The following EXOC2 variants were observed in gnomAD, a reference collection of about 807,000 sequenced individuals.
EXOC2 encodes exocyst complex component 2.
A neutral mutation model predicts 131.8 loss-of-function variants in EXOC2; 70 were observed. The ratio of observed to expected loss-of-function variants is 0.53; its 90% confidence interval spans 0.44 to 0.65. The LOEUF (loss-of-function observed/expected upper bound fraction) is 0.65. EXOC2 is among the 30% of genes least tolerant of loss of function. The pLI, the probability that EXOC2 is intolerant of heterozygous loss-of-function variation, is 0.00. For missense variants in EXOC2, 923 were observed against 1,108.6 expected, an observed-to-expected ratio of 0.83 and a Z score of 2.38; for synonymous variants, 411 against 398.4, an observed-to-expected ratio of 1.03 and a Z score of -0.38.
intron 13 of EXOC2, among the ~76,000 whole-genome samples, chr6:568,477 C>A (rs572517075): frequency 3.3e-5 from 5 of 152,200 alleles, no homozygotes; most frequent in Admixed American, 6.5e-5. Context: ...CAGACCCTTG[C>A]GGCTTGTCAG....
intron 21 of EXOC2, among the ~76,000 whole-genome samples, chr6:549,630 T>C (rs920887658): frequency 2.6e-5 from 4 of 152,232 alleles, no homozygotes; most frequent in Non-Finnish European, 4.4e-5. Context: ...TGTTCTACTA[T>C]ATTGTTTACT....
intron 4 of EXOC2, among the ~76,000 whole-genome samples, chr6:621,460 C>T (rs370541866): frequency 2.6e-5 from 4 of 152,348 alleles, no homozygotes; most frequent in Non-Finnish European, 4.4e-5. Flanking sequence ...CACAGCGAGA[C>T]GCCACTCACT....
intron 11 of EXOC2, among the ~76,000 whole-genome samples, chr6:578,465 A>G (rs1383588767): frequency 6.6e-6 from 1 of 152,188 alleles, no homozygotes; most frequent in African/African-American, 2.4e-5. Flanking sequence ...CGCTAAGCAG[A>G]GGAGGTAAAT....
chr6:685,557 C>A (rs1243529817), intron 1 of EXOC2, among the ~76,000 whole-genome samples: 1 of 152,188 alleles, frequency 6.6e-6, no homozygotes, highest in Non-Finnish European at 1.5e-5. Flanking sequence ...TGAGTGAGAT[C>A]AAGTGCAAGT....
At chr6:487,161 C>T (rs764439198) in intron 27 of EXOC2, among the ~76,000 whole-genome samples, 8 of 152,290 alleles carry the variant, frequency 5.3e-5, no homozygotes, top group Admixed American at 6.5e-5. Context: ...GGCTACAGCA[C>T]GTGGCATGGC....
In EXOC2 at chr6:529,603, T is replaced by G. The variant is rs1460946582; in HGVS notation, c.2380+2866A>C. 2.0e-5 allele frequency among the ~76,000 whole-genome samples: 3 copies of G among 152,230 alleles called. No individual in the cohort carries two copies. In the East Asian group the frequency reaches 5.8e-4, roughly 29 times the overall value. On this transcript the variant is annotated intron_variant, in intron 23 of 27. Coordinates refer to ENST00000230449, the MANE Select transcript of EXOC2 (RefSeq NM_018303.6). ...ATTTTTTTCTATTCTCAAAGAAATA[T>G]CACAAGTGATTTAATAGCCTTGAAC...
chr6:677,370 T>C (rs989158553), intron 1 of EXOC2, among the ~76,000 whole-genome samples: 2 of 152,256 alleles, frequency 1.3e-5, no homozygotes, highest in African/African-American at 2.4e-5. Flanking sequence ...TTTGAGGTGG[T>C]ATATGTAGGA....
chr6:671,769 A>G (rs1763883101), intron 1 of EXOC2, among the ~76,000 whole-genome samples: 1 of 152,264 alleles, frequency 6.6e-6, no homozygotes, highest in East Asian at 1.9e-4. Flanking sequence ...GCTGAAAAAA[A>G]GTCTGATGTA....
chr6:582,688 AC>A lies in EXOC2; in HGVS notation c.1193-5807del, dbSNP rs1045546840. ...GAGTTACAAATTCCTCAGGAATTAG[AC>A]CTGTGTCAACAGATAAAAATGCTTT... On this transcript the variant is annotated intron_variant, in intron 11 of 27. Transcript: ENST00000230449. Among the ~76,000 whole-genome samples, 26 of 152,222 alleles carry A rather than the reference AC, an allele frequency of 1.7e-4. 1 individual carries two copies. Among genetic ancestry groups the A allele is most frequent in the African/African-American group, 6.3e-4 (26 of 41,520 alleles).
chr6:584,258 T>C (rs1442698567), intron 11 of EXOC2, among the ~76,000 whole-genome samples: 1 of 152,212 alleles, frequency 6.6e-6, no homozygotes, highest in Non-Finnish European at 1.5e-5. Context: ...CCCTGCATTA[T>C]GGTAATACCA....
rs182377895 is a variant in EXOC2 at position 687,436 on chromosome 6, G to A, written c.-44+5583C>T. On this transcript the variant is annotated intron_variant, in intron 1 of 27. Coordinates refer to ENST00000230449, the MANE Select transcript of EXOC2 (RefSeq NM_018303.6). ...GGGCTCAAGCTATCCTTCCACCTCG[G>A]CCTCTCAAAGTGCTGGGATTACAGG... 3.3e-5 allele frequency among the ~76,000 whole-genome samples: 5 copies of A among 151,920 alleles called. No homozygotes were observed. The East Asian group carries it at 9.7e-4, about 29-fold the overall frequency.
At chr6:628,665 G>A (rs1761700223) in intron 4 of EXOC2, among the ~76,000 whole-genome samples, 1 of 152,192 alleles carries the variant, frequency 6.6e-6, no homozygotes, top group Non-Finnish European at 1.5e-5. Flanking sequence ...GAGCAGCTCA[G>A]AGGGCCTCCT....
Position 488,327 on chromosome 6 carries a change from G to C in EXOC2, c.2681+652C>G, listed in dbSNP as rs73378912. On this transcript the variant is annotated intron_variant, in intron 27 of 27. Transcript: ENST00000230449. Reference sequence around the variant, plus strand: ...TGGGCCCGGCAGCCACGTGCAGGGCGGGTGGTGAAGGAATGAAGACTGCCT... The same window carrying C: ...TGGGCCCGGCAGCCACGTGCAGGGCCGGTGGTGAAGGAATGAAGACTGCCT... Among the ~76,000 whole-genome samples, 1,428 of 152,336 alleles carry C rather than the reference G, an allele frequency of 9.4e-3. 20 individuals carry two copies. Among genetic ancestry groups the C allele is most frequent in the African/African-American group, 0.032 (1,348 of 41,572 alleles).
chr6:611,156 ACTTC>A (rs938213453), intron 6 of EXOC2, among the ~76,000 whole-genome samples: 18 of 152,014 alleles, frequency 1.2e-4, no homozygotes, highest in African/African-American at 4.1e-4. Context: ...ACGGAAAGGA[ACTTC>A]CTTCCCTCTC....
At chr6:677,858 A>G (rs1764219329) in intron 1 of EXOC2, among the ~76,000 whole-genome samples, 1 of 151,996 alleles carries the variant, frequency 6.6e-6, no homozygotes, top group Non-Finnish European at 1.5e-5. Context: ...ACTTTGTCCA[A>G]TACTCCACAA....
At chr6:594,305 A>G (rs1347625459) in intron 10 of EXOC2, among the ~76,000 whole-genome samples, 1 of 152,234 alleles carries the variant, frequency 6.6e-6, no homozygotes, top group East Asian at 1.9e-4. Context: ...AACGATAAAT[A>G]TAACAAATAG....
intron 1 of EXOC2, among the ~76,000 whole-genome samples, chr6:671,779 A>G (rs1207027494): frequency 6.6e-6 from 1 of 152,076 alleles, no homozygotes; most frequent in Non-Finnish European, 1.5e-5. Flanking sequence ...AGTCTGATGT[A>G]ATTTCCATTC....
rs1763052062 is a variant in EXOC2 at position 486,433 on chromosome 6, G to A, written c.*238C>T. On this transcript the variant is annotated 3_prime_UTR_variant, in exon 28 of 28. Coordinates refer to ENST00000230449, the MANE Select transcript of EXOC2 (RefSeq NM_018303.6). ...TGAGATGCAAAATATATTTTAAAAT[G>A]TATTTTAAAGTCATACAGGATCTGA... The A allele has an allele frequency of 4.9e-6, 2 of 406,174 alleles. No individual in the cohort carries two copies. The highest frequency in any genetic ancestry group is 4.4e-6 in the Non-Finnish European group (1 of 228,948). 25.2% of individuals were successfully genotyped at this position (406,174 alleles called of 1,614,324 possible). A position where few individuals can be genotyped will look rare whatever the true frequency, so the allele number is the denominator to read the frequency against.
chr6:674,563 T>C (rs1177887806), intron 1 of EXOC2, among the ~76,000 whole-genome samples: 1 of 152,132 alleles, frequency 6.6e-6, no homozygotes, highest in South Asian at 2.1e-4. Context: ...GAGTAAGCTA[T>C]TGTAAAGGCT....
Sources: gnomAD v4.1 joint callset for allele counts (sites outside exome capture counted in the v4.1 genomes callset) on GRCh38, gnomAD v4.1.1 for gene constraint, MANE v1.5 for transcripts, NCBI Gene and HGNC (gene_info 2026-07-23, HGNC 2026-07-21) for gene names.